The following DAPK1 variants were observed in gnomAD, a reference collection of about 807,000 sequenced individuals.
DAPK1 encodes the protein death associated protein kinase 1, also known as death-associated protein kinase 1.
In DAPK1, 56 loss-of-function variants were observed where a neutral mutation model predicts 144.9. The ratio of observed to expected loss-of-function variants is 0.39; its 90% CI spans 0.31 to 0.48. The LOEUF is 0.48. Among genes scored for constraint, DAPK1 ranks in the 20% least tolerant of loss-of-function variants. The pLI, the probability that DAPK1 is intolerant of heterozygous loss-of-function variation, is 0.95. For synonymous variants in DAPK1, 690 were observed against 749.0 expected, an observed-to-expected ratio of 0.92 and a Z score of 1.29; for missense variants, 1,454 against 1,875.4, an observed-to-expected ratio of 0.78 and a Z score of 4.15.
chr9:87,630,267 C>T (rs1249096322), intron 3 of DAPK1, among the ~76,000 whole-genome samples: 1 of 152,214 alleles, frequency 6.6e-6, no homozygotes, highest in Non-Finnish European at 1.5e-5. Context: ...GCATTGGTCA[C>T]TTTCTTTTAA....
rs534994514 is a variant in DAPK1 at position 87,586,570 on chromosome 9, C to A, written c.63-18384C>A. Among the ~76,000 whole-genome samples, 37 of 152,244 alleles carry A rather than the reference C, an allele frequency of 2.4e-4. No homozygotes were observed. The East Asian group carries it at 6.8e-3, about 28-fold the overall frequency. On this transcript the variant is annotated intron_variant, in intron 2 of 25. Transcript: ENST00000408954. ...ACGTCATCTAAACAAATAATTGACACTAGTGCTTAAATACATTAATGTATA... is the reference window on the plus strand; with the variant it reads ...ACGTCATCTAAACAAATAATTGACAATAGTGCTTAAATACATTAATGTATA...
intron 7 of DAPK1, 72 bp downstream of exon 7, chr9:87,639,887 G>A (rs1056229425): frequency 1.3e-6 from 2 of 1,518,004 alleles, no homozygotes; most frequent in African/African-American, 1.4e-5. Flanking sequence ...ACCATTAAAT[G>A]TGCTGTGTTG....
At chr9:87,557,842 G>C (rs1320278108) in intron 2 of DAPK1, among the ~76,000 whole-genome samples, 2 of 152,164 alleles carry the variant, frequency 1.3e-5, no homozygotes, top group Non-Finnish European at 2.9e-5. Context: ...TTGAGAGGCT[G>C]AGGCTTGAGA....
At chr9:87,571,527 A>ACACACAC (rs1554684291) in intron 2 of DAPK1, among the ~76,000 whole-genome samples, 1 of 141,298 alleles carries the variant, frequency 7.1e-6, no homozygotes, top group African/African-American at 2.8e-5. Flanking sequence ...ACACACACAC[A>ACACACAC]CCAGAAGCGA....
Position 87,639,502 on chromosome 9 carries a change from G to T in DAPK1, c.553+19G>T. ...TTTGTCGGTAAGTTTCTTTGCTCCT[G>T]TGGTCATTTACGTCTCATAAACATT... On this transcript the variant is annotated intron_variant, in intron 5 of 25. Coordinates refer to ENST00000408954, the MANE Select transcript of DAPK1 (RefSeq NM_004938.4). 1 of 1,610,926 alleles carries T rather than the reference G, an allele frequency of 6.2e-7. No individual in the cohort carries two copies. The highest frequency in any genetic ancestry group is 8.5e-7 in the Non-Finnish European group (1 of 1,179,138).
intron 3 of DAPK1, chr9:87,633,175 G>A: frequency 2.0e-6 from 2 of 983,190 alleles, no homozygotes; most frequent in Non-Finnish European, 2.4e-6. Context: ...ATGTAGGGAT[G>A]AAGGGTGATC....
At chr9:87,683,818 G>A (rs1466586976) in intron 20 of DAPK1, among the ~76,000 whole-genome samples, 1 of 152,212 alleles carries the variant, frequency 6.6e-6, no homozygotes, top group Non-Finnish European at 1.5e-5. Flanking sequence ...CCCTCTGCAT[G>A]AGAGCCCTAA....
At chr9:87,629,077 T>C (rs1564030994) in intron 3 of DAPK1, among the ~76,000 whole-genome samples, 1 of 152,214 alleles carries the variant, frequency 6.6e-6, no homozygotes, top group Non-Finnish European at 1.5e-5. Context: ...GACCTCAGAA[T>C]GTGTGATCTT....
chr9:87,520,357 GTGTGAGGC>G (rs1331804694), intron 2 of DAPK1, among the ~76,000 whole-genome samples: 2 of 152,162 alleles, frequency 1.3e-5, no homozygotes, highest in Non-Finnish European at 2.9e-5. Context: ...AACTGCTGGG[GTGTGAGGC>G]TGTGAAAGGA....
Position 87,497,983 on chromosome 9 carries a change from T to G in DAPK1, c.-233T>G, listed in dbSNP as rs1442373914. 2.5e-6 allele frequency: 1 copy of G among 397,004 alleles called. No individual in the cohort carries two copies. Among genetic ancestry groups the G allele is most frequent in the African/African-American group, 2.1e-5 (1 of 48,556 alleles). 24.6% of individuals were successfully genotyped at this position (397,004 alleles called of 1,614,324 possible). A position where few individuals can be genotyped will look rare whatever the true frequency, so the allele number is the denominator to read the frequency against. ...GTCTGGGGCCGGCGCCTGGGAGGGA[T>G]CTGCGCCCCCCACTCACTCCCTAGC... On this transcript the variant is annotated 5_prime_UTR_variant, in exon 1 of 26. Transcript: ENST00000408954.
intron 10 of DAPK1, 129 bp downstream of exon 10, chr9:87,642,187 G>T: frequency 1.5e-6 from 1 of 675,660 alleles, no homozygotes; most frequent in Non-Finnish European, 2.5e-6. Flanking sequence ...AATCCACCCT[G>T]TAGTGTTCTG....
At chr9:87,502,713 T>C (rs189408513) in intron 2 of DAPK1, among the ~76,000 whole-genome samples, 2 of 152,334 alleles carry the variant, frequency 1.3e-5, no homozygotes, top group East Asian at 3.9e-4. Context: ...TAAAGTCAAG[T>C]GACTTCTCTG....
chr9:87,658,160 G>A (rs372666339), intron 18 of DAPK1, 33 bp downstream of exon 18: 43 of 857,502 alleles, frequency 5.0e-5, no homozygotes, highest in Non-Finnish European at 2.0e-5. Flanking sequence ...GAAGGAGGGA[G>A]CTGCTGGGAG....
Position 87,646,005 on chromosome 9 carries a change from A to G in DAPK1, c.1122A>G (p.Gln374=), listed in dbSNP as rs1301633041. Residue 374 remains glutamine, a synonymous_variant, in exon 12 of 26, where the codon CAA becomes CAG. Coordinates refer to ENST00000408954, the MANE Select transcript of DAPK1 (RefSeq NM_004938.4). Reference sequence around the variant, plus strand: ...CATTATCCAACTATGATGTTAACCAACCCAACAAGGTCTGGTTCTGTTCTG... The same window carrying G: ...CATTATCCAACTATGATGTTAACCAGCCCAACAAGGTCTGGTTCTGTTCTG... ...LGSLSNYDVN[Q]PNKHGTPPLL... 12 of 1,613,760 alleles carry G rather than the reference A, an allele frequency of 7.4e-6. No homozygotes were observed. Among genetic ancestry groups the G allele is most frequent in the Middle Eastern group, 3.3e-4 (2 of 6,058 alleles).
chr9:87,593,752 A>G (rs183421583), intron 2 of DAPK1, among the ~76,000 whole-genome samples: 183 of 151,924 alleles, frequency 1.2e-3, no homozygotes, highest in Non-Finnish European at 1.9e-3. Flanking sequence ...TTCTTTGTCA[A>G]TTTTTTTTCA....
intron 2 of DAPK1, among the ~76,000 whole-genome samples, chr9:87,596,321 A>G (rs1564013859): frequency 6.6e-6 from 1 of 152,208 alleles, no homozygotes; most frequent in Non-Finnish European, 1.5e-5. Flanking sequence ...AGCTGCATTT[A>G]CTGGATCATG....
intron 19 of DAPK1, among the ~76,000 whole-genome samples, chr9:87,675,450 A>G (rs1401710633): frequency 6.6e-6 from 1 of 151,994 alleles, no homozygotes; most frequent in East Asian, 1.9e-4. Context: ...TAAAACAACA[A>G]AGAAGGAGGG....
At chr9:87,613,938 G>A (rs1321511790) in intron 3 of DAPK1, among the ~76,000 whole-genome samples, 3 of 152,216 alleles carry the variant, frequency 2.0e-5, no homozygotes, top group Non-Finnish European at 4.4e-5. Context: ...AATTTCAAGA[G>A]CTCTTGTGGG....
At chr9:87,646,764 G>A (rs1830281086) in intron 13 of DAPK1, among the ~76,000 whole-genome samples, 1 of 152,152 alleles carries the variant, frequency 6.6e-6, no homozygotes, top group Non-Finnish European at 1.5e-5. Context: ...TCCCCTTGGC[G>A]CTGCTGCTTG....
Sources: allele counts gnomAD v4.1 joint callset (sites outside exome capture counted in the v4.1 genomes callset), GRCh38; gene constraint gnomAD v4.1.1; transcripts MANE v1.5; gene names NCBI Gene and HGNC (gene_info 2026-07-23, HGNC 2026-07-21).